Variants in OPCML observed in about 807,000 individuals in gnomAD.
OPCML encodes the protein opioid-binding protein/cell adhesion molecule.
OPCML carries 13 observed loss-of-function variants against 37.8 expected under a neutral mutation model. The observed-to-expected ratio is 0.34, with a 90% CI of 0.22 to 0.55. OPCML has a LOEUF of 0.55. OPCML is among the 20% of genes least tolerant of loss of function. OPCML has a pLI of 0.91. For missense variants in OPCML, 341 were observed against 435.6 expected (o/e 0.78, Z 1.93); for synonymous variants, 176 against 168.8 (o/e 1.04, Z -0.33).
At chr11:133,240,805 C>T (rs1180909847) in intron 1 of OPCML, among the ~76,000 whole-genome samples, 1 of 152,166 alleles carries the variant, frequency 6.6e-6, no homozygotes, top group East Asian at 1.9e-4. Context: ...TATCACATCC[C>T]AAATCGTTAG....
At chr11:132,480,321 A>G (rs2096174995) in intron 4 of OPCML, among the ~76,000 whole-genome samples, 1 of 152,200 alleles carries the variant, frequency 6.6e-6, no homozygotes, top group South Asian at 2.1e-4. Flanking sequence ...TTTAGAGAAA[A>G]AAGAATAAAA....
rs1198654996 is a variant in OPCML at position 133,321,912 on chromosome 11, A to G, written c.61+210352T>C. Reference sequence around the variant, plus strand: ...TATTTGACTGCAAACCTCAAGCAGGATGGCATTTGAAAAGCATATAATATC... The same window carrying G: ...TATTTGACTGCAAACCTCAAGCAGGGTGGCATTTGAAAAGCATATAATATC... On this transcript the variant is annotated intron_variant, in intron 1 of 7. Transcript: ENST00000524381. Among the ~76,000 whole-genome samples the G allele has an allele frequency of 2.0e-5, 3 of 152,076 alleles. No individual in the cohort carries two copies. The East Asian group carries it at 5.8e-4, about 30-fold the overall frequency.
Position 133,231,822 on chromosome 11 carries a change from T to A in OPCML, c.62-288812A>T, listed in dbSNP as rs559967127. On this transcript the variant is annotated intron_variant, in intron 1 of 7. Coordinates refer to ENST00000524381, the MANE Select transcript of OPCML (RefSeq NM_001012393.5). ...GCAACCAGTAAGCCCTCCATGAAGA[T>A]GAGCTCTTATTGTCAAAGGAGAAGG... is the stretch of plus-strand genomic sequence containing the variant. 4.6e-5 allele frequency among the ~76,000 whole-genome samples: 7 copies of A among 152,228 alleles called. No homozygotes were observed. The South Asian group carries it at 1.5e-3, about 32-fold the overall frequency.
intron 3 of OPCML, among the ~76,000 whole-genome samples, chr11:132,570,804 T>TATAGAGAGAGAGAGAGAGAGAGAG (rs2096436416): frequency 1.1e-5 from 1 of 90,762 alleles, no homozygotes; most frequent in Non-Finnish European, 2.2e-5. Flanking sequence ...TATATATATT[T>TATAGAGAGAGAGAGAGAGAGAGAG]AGAGAGAGAG....
At chr11:132,822,267 C>A (rs1280173973) in intron 2 of OPCML, among the ~76,000 whole-genome samples, 2 of 152,048 alleles carry the variant, frequency 1.3e-5, no homozygotes, top group East Asian at 3.9e-4. Context: ...CCCTCTCCCA[C>A]CTCCCCCCAC....
intron 1 of OPCML, among the ~76,000 whole-genome samples, chr11:133,251,339 A>G (rs1481639474): frequency 1.3e-5 from 2 of 152,226 alleles, no homozygotes; most frequent in East Asian, 3.9e-4. Context: ...TGCCCCAAGC[A>G]GGCAGGCATC....
intron 1 of OPCML, among the ~76,000 whole-genome samples, chr11:132,974,671 A>G (rs1424257968): frequency 2.6e-5 from 4 of 152,156 alleles, no homozygotes. Flanking sequence ...AGGATTATAA[A>G]TCATTCTACC....
rs147558505 is a variant in OPCML, at chr11:132,436,545, G to A, written c.764+114C>T. On this transcript the variant is annotated intron_variant, in intron 6 of 7. Transcript: ENST00000524381. ...AGACTTTGTTACAAAAGAGGGCATAGTATATTTCTGTTTTGCCTTATCTTT... is the reference window on the plus strand; with the variant it reads ...AGACTTTGTTACAAAAGAGGGCATAATATATTTCTGTTTTGCCTTATCTTT... The A allele has an allele frequency of 2.3e-4, 340 of 1,508,806 alleles. 3 individuals are homozygous for A. In the African/African-American group the frequency reaches 4.1e-3, roughly 18 times the overall value. 93.5% of individuals were successfully genotyped at this position (1,508,806 alleles called of 1,614,324 possible).
intron 2 of OPCML, among the ~76,000 whole-genome samples, chr11:132,936,398 C>T (rs983659069): frequency 6.6e-6 from 1 of 152,044 alleles, no homozygotes; most frequent in Non-Finnish European, 1.5e-5. Context: ...AAACCTGGAC[C>T]CGTAGGCTGT....
At chr11:132,581,935 C>G (rs1297681662) in intron 3 of OPCML, among the ~76,000 whole-genome samples, 1 of 151,948 alleles carries the variant, frequency 6.6e-6, no homozygotes, top group Non-Finnish European at 1.5e-5. Flanking sequence ...TGTCTCAATC[C>G]CGGAAACATG....
At chr11:133,384,803 G>A (rs193120927) in intron 1 of OPCML, among the ~76,000 whole-genome samples, 1 of 152,362 alleles carries the variant, frequency 6.6e-6, no homozygotes, top group African/African-American at 2.4e-5. Flanking sequence ...AAGTGGACAT[G>A]TGACCTCCTG....
chr11:133,531,241 G>A (rs1405448577), intron 1 of OPCML, among the ~76,000 whole-genome samples: 2 of 152,316 alleles, frequency 1.3e-5, no homozygotes, highest in East Asian at 3.9e-4. Context: ...AAGGACTCCT[G>A]TGCAATTATC....
chr11:132,682,697 G>T (rs1202179940), intron 2 of OPCML, among the ~76,000 whole-genome samples: 1 of 152,170 alleles, frequency 6.6e-6, no homozygotes, highest in Non-Finnish European at 1.5e-5. Context: ...GGGAGAGAAC[G>T]GAGGACCGAG....
At chr11:132,619,653 A>G (rs1476137105) in intron 3 of OPCML, among the ~76,000 whole-genome samples, 3 of 148,998 alleles carry the variant, frequency 2.0e-5, no homozygotes, top group Non-Finnish European at 3.0e-5. Context: ...CCTGGCTAAC[A>G]TGGTGAAACC....
intron 1 of OPCML, among the ~76,000 whole-genome samples, chr11:133,398,859 T>C (rs1945341815): frequency 6.6e-6 from 1 of 152,148 alleles, no homozygotes; most frequent in Non-Finnish European, 1.5e-5. Flanking sequence ...AACCTAATTT[T>C]CTATTAGCCC....
At chr11:132,619,769 A>G (rs1038781934) in intron 3 of OPCML, among the ~76,000 whole-genome samples, 16 of 149,934 alleles carry the variant, frequency 1.1e-4, no homozygotes, top group South Asian at 4.3e-4. Context: ...GGAGAATGGC[A>G]TGAACCCGGG....
intron 1 of OPCML, among the ~76,000 whole-genome samples, chr11:133,231,842 A>C (rs758450210): frequency 6.6e-6 from 1 of 152,180 alleles, no homozygotes; most frequent in Non-Finnish European, 1.5e-5. Flanking sequence ...TTGTCAAAGG[A>C]GAAGGGGCAA....
At chr11:133,264,186 G>A (rs1405036135) in intron 1 of OPCML, among the ~76,000 whole-genome samples, 2 of 152,132 alleles carry the variant, frequency 1.3e-5, no homozygotes, top group Non-Finnish European at 2.9e-5. Context: ...TAAGAATAAA[G>A]GCAAGGACCA....
intron 1 of OPCML, among the ~76,000 whole-genome samples, chr11:133,507,763 G>A (rs2120592899): frequency 6.6e-6 from 1 of 152,122 alleles, no homozygotes; most frequent in East Asian, 1.9e-4. Context: ...TGGCCAACAT[G>A]GTGAAACCCC....
Sources: gnomAD v4.1 joint callset for allele counts (sites outside exome capture counted in the v4.1 genomes callset) on GRCh38, gnomAD v4.1.1 for gene constraint, MANE v1.5 for transcripts, NCBI Gene and HGNC (gene_info 2026-07-23, HGNC 2026-07-21) for gene names.